The following VWA8 variants were observed in gnomAD, a reference collection of about 807,000 sequenced individuals.
VWA8 encodes von Willebrand factor A domain-containing protein 8.
In VWA8, 221 loss-of-function variants were observed where a neutral mutation model predicts 241.5. The ratio of observed to expected loss-of-function variants is 0.91; its 90% confidence interval spans 0.82 to 1.02. The LOEUF is 1.02. Among genes scored for constraint, VWA8 ranks in the 50% least tolerant of loss-of-function variants. The pLI, the probability that VWA8 is intolerant of heterozygous loss-of-function variation, is 0.00. For missense variants in VWA8, 2,322 were observed against 2,328.7 expected (o/e 1.00, Z 0.06); for synonymous variants, 852 against 827.1 (o/e 1.03, Z -0.52).
intron 12 of VWA8, among the ~76,000 whole-genome samples, chr13:41,842,620 T>C (rs967295952): frequency 6.6e-6 from 1 of 152,230 alleles, no homozygotes; most frequent in Non-Finnish European, 1.5e-5. Context: ...CCCACTATGT[T>C]GCTAACAACT....
chr13:41,758,400 A>G (rs892591163), intron 21 of VWA8, among the ~76,000 whole-genome samples: 996 of 51,544 alleles, frequency 0.019, 53 homozygotes, highest in East Asian at 0.12. Context: ...ATACGCTAGT[A>G]TATATATATA....
intron 15 of VWA8, 90 bp from the exon 16 acceptor site, chr13:41,816,865 T>C: frequency 2.1e-6 from 2 of 964,042 alleles, no homozygotes; most frequent in Non-Finnish European, 3.2e-6. Context: ...TAGCAAATAA[T>C]ATTAGAATTA....
At chr13:41,803,847 T>G (rs1450188290) in intron 17 of VWA8, among the ~76,000 whole-genome samples, 1 of 152,140 alleles carries the variant, frequency 6.6e-6, no homozygotes, top group Non-Finnish European at 1.5e-5. Flanking sequence ...TTGAAATAAT[T>G]TTTAAAAATC....
intron 37 of VWA8, among the ~76,000 whole-genome samples, chr13:41,649,080 G>A (rs1262438389): frequency 6.6e-6 from 1 of 152,136 alleles, no homozygotes; most frequent in African/African-American, 2.4e-5. Context: ...AGCTACTTGG[G>A]AGGCTGAGGC....
chr13:41,831,668 G>A (rs913786850), intron 13 of VWA8, among the ~76,000 whole-genome samples: 11 of 142,038 alleles, frequency 7.7e-5, no homozygotes, highest in South Asian at 2.2e-4. Flanking sequence ...CACCCAGGCT[G>A]CAGTGCAGTG....
chr13:41,640,568 A>G (rs1032707783), intron 37 of VWA8, among the ~76,000 whole-genome samples: 7 of 152,240 alleles, frequency 4.6e-5, no homozygotes, highest in Admixed American at 4.6e-4. Flanking sequence ...CAAGAGATCA[A>G]ATTCAGTGAT....
chr13:41,593,113 T>C (rs17594453), intron 40 of VWA8, among the ~76,000 whole-genome samples: 68,108 of 152,060 alleles, frequency 0.45, 16,703 homozygotes, highest in South Asian at 0.66. Flanking sequence ...GGTGTCTGTT[T>C]TAGGGCCAGG....
At chr13:41,898,006 A>G (rs1402223019) in intron 4 of VWA8, among the ~76,000 whole-genome samples, 1 of 152,098 alleles carries the variant, frequency 6.6e-6, no homozygotes, top group Non-Finnish European at 1.5e-5. Flanking sequence ...CATCCCCACC[A>G]GATTAGCTAG....
chr13:41,872,801 G>T (rs1440937411), intron 9 of VWA8, among the ~76,000 whole-genome samples: 2 of 152,042 alleles, frequency 1.3e-5, no homozygotes, highest in African/African-American at 4.8e-5. Context: ...CCCTTTTTTG[G>T]TTCCATATGA....
At chr13:41,575,873 T>C (rs1323516788) in intron 42 of VWA8, 35 bp from the exon 43 acceptor site, 2 of 1,506,294 alleles carry the variant, frequency 1.3e-6, no homozygotes, top group East Asian at 4.5e-5. Flanking sequence ...TATAAACTTT[T>C]CTCCACAAAA....
intron 35 of VWA8, among the ~76,000 whole-genome samples, chr13:41,681,522 GA>G (rs1476548743): frequency 6.6e-6 from 1 of 152,108 alleles, no homozygotes; most frequent in Non-Finnish European, 1.5e-5. Context: ...GTTATTTTGT[GA>G]ATGATAAGTA....
intron 37 of VWA8, among the ~76,000 whole-genome samples, chr13:41,636,507 ATAGGCATGCGCAAGGAC>A (rs558454300): frequency 4.7e-4 from 71 of 152,362 alleles, no homozygotes; most frequent in Admixed American, 8.5e-4. Flanking sequence ...CATTCAGGAC[ATAGGCATGCGCAAGGAC>A]TTCATGTCTA....
At chr13:41,588,567 C>T (rs1382567628) in intron 41 of VWA8, among the ~76,000 whole-genome samples, 2 of 151,868 alleles carry the variant, frequency 1.3e-5, no homozygotes, top group Non-Finnish European at 2.9e-5. Flanking sequence ...CAAAAAAATA[C>T]ACAAATCAGC....
chr13:41,796,848 T>C (rs915324084), intron 17 of VWA8, among the ~76,000 whole-genome samples: 7 of 152,080 alleles, frequency 4.6e-5, no homozygotes, highest in African/African-American at 1.2e-4. Context: ...GTTTTGGTCA[T>C]AGAGTTGTTA....
At chr13:41,785,432 C>T (rs1006988686) in intron 18 of VWA8, among the ~76,000 whole-genome samples, 17 of 151,994 alleles carry the variant, frequency 1.1e-4, no homozygotes, top group East Asian at 7.7e-4. Flanking sequence ...AAATATACAA[C>T]GCCTTAAACA....
chr13:41,833,331 G>A lies in VWA8; in HGVS notation c.1586+40C>T, dbSNP rs1330654088. The A allele has an allele frequency of 1.2e-5, 18 of 1,561,596 alleles. No homozygotes were observed. In the Admixed American group the frequency reaches 3.3e-4, roughly 28 times the overall value. ...CATCTTTACTGCTTAAGTCAGAGTGGGGTGTGTGTCTGTGTGTGATTTTTG... is the reference window on the plus strand; with the variant it reads ...CATCTTTACTGCTTAAGTCAGAGTGAGGTGTGTGTCTGTGTGTGATTTTTG... On this transcript the variant is annotated intron_variant, in intron 13 of 44. Transcript: ENST00000379310.
intron 2 of VWA8, among the ~76,000 whole-genome samples, chr13:41,922,606 G>A (rs12871212): frequency 0.19 from 29,170 of 151,966 alleles, 3,588 homozygotes; most frequent in East Asian, 0.37. Flanking sequence ...CAAACAACCC[G>A]ATCAACAAGT....
At chr13:41,729,798 GACAC>G (rs59345894) in intron 22 of VWA8, 121 bp from the exon 23 acceptor site, 14,355 of 441,136 alleles carry the variant, frequency 0.033, 134 homozygotes, top group East Asian at 0.066. Context: ...TATACACGTA[GACAC>G]ACACACACAC....
At chr13:41,877,733 A>C (rs1873966120) in intron 9 of VWA8, among the ~76,000 whole-genome samples, 1 of 152,160 alleles carries the variant, frequency 6.6e-6, no homozygotes, top group Non-Finnish European at 1.5e-5. Context: ...AACTGAGACC[A>C]AGAGCCAAGA....
Sources: allele counts gnomAD v4.1 joint callset (sites outside exome capture counted in the v4.1 genomes callset), GRCh38; gene constraint gnomAD v4.1.1; transcripts MANE v1.5; gene names NCBI Gene and HGNC (gene_info 2026-07-23, HGNC 2026-07-21).